Variants in GET3 observed in about 807,000 individuals in gnomAD.
The protein encoded by GET3 is guided entry of tail-anchored proteins factor 3, ATPase.
GET3 carries 15 observed loss-of-function variants against 32.4 expected under a neutral mutation model. That is an observed-to-expected ratio of 0.46 (90% confidence interval 0.31 to 0.71). GET3 has a LOEUF of 0.71. GET3 is among the 30% of genes least tolerant of loss of function. The pLI is 0.05. For synonymous variants in GET3, 198 were observed against 185.6 expected (o/e 1.07, Z -0.54); for missense variants, 333 against 459.0 (o/e 0.73, Z 2.51).
intron 2 of GET3, among the ~76,000 whole-genome samples, chr19:12,739,671 A>G (rs1306049364): frequency 1.3e-5 from 2 of 152,184 alleles, no homozygotes; most frequent in African/African-American, 4.8e-5. Context: ...ACATCATGAC[A>G]GTAGCTTGTT....
chr19:12,739,726 T>TCC (rs1967631226), intron 2 of GET3, among the ~76,000 whole-genome samples: 1 of 152,096 alleles, frequency 6.6e-6, no homozygotes. Flanking sequence ...GATTTGGAAG[T>TCC]CACTGTCTCA....
chr19:12,740,398 C>G (rs1489158860), intron 2 of GET3, among the ~76,000 whole-genome samples: 1 of 146,662 alleles, frequency 6.8e-6, no homozygotes, highest in Non-Finnish European at 1.5e-5. Context: ...TAATAAAGGC[C>G]GGGCACGGTG....
intron 2 of GET3, among the ~76,000 whole-genome samples, chr19:12,742,507 C>T (rs761694812): frequency 2.0e-5 from 3 of 151,480 alleles, no homozygotes; most frequent in African/African-American, 4.9e-5. Flanking sequence ...CTCTTCCTCC[C>T]GATTTCAAGT....
At position 12,748,321 on chromosome 19, in the gene GET3, T is replaced by G. The variant is rs906480337; in HGVS notation, c.*217T>G. ...GCTCTTCAATAAAATGATCTTAAAC[T>G]GCTGTATTGTTGACATTGGGAGGTG... is the stretch of plus-strand genomic sequence containing the variant. On this transcript the variant is annotated 3_prime_UTR_variant, in exon 7 of 7. Coordinates refer to ENST00000357332, the MANE Select transcript of GET3 (RefSeq NM_004317.4). 1 of 453,352 alleles carries G rather than the reference T, an allele frequency of 2.2e-6. No individual in the cohort carries two copies. The highest frequency in any genetic ancestry group is 3.6e-5 in the South Asian group (1 of 27,690). 28.1% of individuals were successfully genotyped at this position (453,352 alleles called of 1,614,324 possible).
intron 1 of GET3, among the ~76,000 whole-genome samples, chr19:12,738,092 A>ACAGG (rs369326549): frequency 1.5e-3 from 226 of 152,272 alleles, no homozygotes; most frequent in African/African-American, 5.3e-3. Flanking sequence ...CCAGGCAGCT[A>ACAGG]CAGGCAGGAG....
Position 12,748,044 on chromosome 19 carries a change from C to G in GET3, c.987C>G (p.Asp329Glu). Residue 329 changes from aspartate to glutamate, a missense_variant, in exon 7 of 7, where the codon GAC becomes GAG. Physicochemically the swap from Asp to Glu is conservative, Grantham distance 45. This residue lies in a region of GET3 where 39 missense variants were observed against 33.0 expected (regional missense o/e 1.18). Coordinates refer to ENST00000357332, the MANE Select transcript of GET3 (RefSeq NM_004317.4). ...TACCCCATGAGGTGCGGGGGGCAGA[C>G]AAGGTCAACACCTTCTCGGCCCTCC... ...PLLPHEVRGADKVNTFSALLL... is the reference protein window; with the variant it reads ...PLLPHEVRGAEKVNTFSALLL... 1 of 1,612,408 alleles carries G rather than the reference C, an allele frequency of 6.2e-7. No individual in the cohort carries two copies.
intron 2 of GET3, among the ~76,000 whole-genome samples, chr19:12,740,654 A>G (rs1184188796): frequency 6.6e-6 from 1 of 152,190 alleles, no homozygotes; most frequent in African/African-American, 2.4e-5. Context: ...TACAGCCTGA[A>G]CAACGGAGCG....
At chr19:12,746,438 G>T (rs1052886803) in intron 4 of GET3, among the ~76,000 whole-genome samples, 1 of 152,128 alleles carries the variant, frequency 6.6e-6, no homozygotes. Flanking sequence ...CAGCCCCCAT[G>T]GGTTATTATT....
At chr19:12,743,887 G>T (rs542245925) in intron 2 of GET3, among the ~76,000 whole-genome samples, 1 of 142,810 alleles carries the variant, frequency 7.0e-6, no homozygotes, top group African/African-American at 2.5e-5. Flanking sequence ...CCGCCACCTC[G>T]CCCGGCTAAT....
At chr19:12,746,243 G>A (rs760467914) in intron 4 of GET3, among the ~76,000 whole-genome samples, 2 of 152,074 alleles carry the variant, frequency 1.3e-5, no homozygotes, top group Non-Finnish European at 1.5e-5. Context: ...AGTGATTCTC[G>A]TGCCTCTACC....
intron 1 of GET3, among the ~76,000 whole-genome samples, chr19:12,737,888 C>T (rs1967603101): frequency 6.6e-6 from 1 of 152,198 alleles, no homozygotes; most frequent in South Asian, 2.1e-4. Context: ...TGCCGAACCA[C>T]AGTGAACTCA....
intron 2 of GET3, 112 bp downstream of exon 2, chr19:12,738,770 C>A: frequency 7.4e-7 from 1 of 1,357,476 alleles, no homozygotes; most frequent in Non-Finnish European, 1.0e-6. Flanking sequence ...CTGTGTCTCT[C>A]GTGTTTCACT....
chr19:12,748,198 T>G lies in GET3; in HGVS notation c.*94T>G. The G allele has an allele frequency of 1.7e-6, 2 of 1,204,484 alleles. No homozygotes were observed. The highest frequency in any genetic ancestry group is 1.1e-6 in the Non-Finnish European group (1 of 902,042). The allele number at this position is 1,204,484 out of a possible 1,614,324, so 74.6% of individuals were successfully genotyped here. On this transcript the variant is annotated 3_prime_UTR_variant, in exon 7 of 7. Transcript: ENST00000357332. The stretch of plus-strand genomic sequence containing the variant: ...AGTTTGCACAAAGTCCCCCCCATAA[T>G]ACAGGGGGAGCCACTTGGGCAGGAG...
chr19:12,745,888 C>T lies in GET3; in HGVS notation c.609+129C>T. 2.3e-6 allele frequency: 3 copies of T among 1,292,074 alleles called. No homozygotes were observed. The highest frequency in any genetic ancestry group is 3.1e-6 in the Non-Finnish European group (3 of 962,824). The allele number at this position is 1,292,074 out of a possible 1,614,324, so 80.0% of individuals were successfully genotyped here. On this transcript the variant is annotated intron_variant, in intron 4 of 6. Transcript: ENST00000357332. The surrounding 1 kb of genome is among the most constrained non-coding windows in gnomAD (Gnocchi z 5.0). ...CCACCCCTTCTCACTCTGGACTTCT[C>T]CCTGGAGGGGATGGGACGGAGCTGT...
At chr19:12,740,450 G>A (rs1414954465) in intron 2 of GET3, among the ~76,000 whole-genome samples, 2 of 151,934 alleles carry the variant, frequency 1.3e-5, no homozygotes, top group Non-Finnish European at 2.9e-5. Context: ...GCTGAGGCGG[G>A]CAGATCACAA....
chr19:12,748,102 T>A lies in GET3; in HGVS notation c.1045T>A (p.Ter349LysextTer31). Residue 349 changes from the stop codon to lysine, a stop_lost, in exon 7 of 7, where the codon TAG (stop) becomes AAG (lysine). Transcript: ENST00000357332. ...GCCCTACAAGCCCCCCAGTGCCCAG[T>A]AGCACAGCTGCCAGCCCCAACCGCT... is the stretch of plus-strand genomic sequence containing the variant. ...LEPYKPPSAQ* is the reference protein window; with the variant it reads ...LEPYKPPSAQK 6.3e-7 allele frequency: 1 copy of A among 1,586,770 alleles called. No homozygotes were observed. The highest frequency in any genetic ancestry group is 8.6e-7 in the Non-Finnish European group (1 of 1,162,044).
At chr19:12,741,455 CA>C (rs796692368) in intron 2 of GET3, among the ~76,000 whole-genome samples, 50 of 139,100 alleles carry the variant, frequency 3.6e-4, no homozygotes, top group Middle Eastern at 3.9e-3. Context: ...GACTCCATCT[CA>C]AAAAAAAAAA....
At chr19:12,738,679 C>T in intron 2 of GET3, 21 bp downstream of exon 2, 1 of 1,613,926 alleles carries the variant, frequency 6.2e-7, no homozygotes, top group Non-Finnish European at 8.5e-7. Flanking sequence ...CAGGGCTTAG[C>T]CCCCACTTCT....
Position 12,747,631 on chromosome 19 carries a change from C to G in GET3, c.915+39C>G. The stretch of plus-strand genomic sequence containing the variant: ...CCCAGCACTGGCTCAGCAGAGGCAC[C>G]TCTGCCCCTTTATTCTCTGATCTTT... On this transcript the variant is annotated intron_variant, in intron 6 of 6. Transcript: ENST00000357332. The surrounding 1 kb of genome is among the most constrained non-coding windows in gnomAD (Gnocchi z 4.0). The G allele has an allele frequency of 1.3e-6, 2 of 1,595,974 alleles. No homozygotes were observed. Among genetic ancestry groups the G allele is most frequent in the Non-Finnish European group, 1.7e-6 (2 of 1,171,648 alleles).
Sources: allele counts gnomAD v4.1 joint callset (sites outside exome capture counted in the v4.1 genomes callset), GRCh38; gene constraint gnomAD v4.1.1; regional missense constraint gnomAD v4.1.1; non-coding constraint Gnocchi (gnomAD v3.1); transcripts MANE v1.5; gene names NCBI Gene and HGNC (gene_info 2026-07-23, HGNC 2026-07-21).